SLC18B1: variants seen among roughly 807,000 people sequenced by gnomAD.
SLC18B1 encodes solute carrier family 18 member B1.
In SLC18B1, 62 loss-of-function variants were observed where a neutral mutation model predicts 53.9. The ratio of observed to expected loss-of-function variants is 1.15; its 90% confidence interval spans 0.94 to 1.42. SLC18B1 has a LOEUF of 1.42. Ranked by LOEUF, SLC18B1 falls within the 40% of genes most tolerant of loss-of-function variation. The probability of loss-of-function intolerance (pLI) is 0.00; values close to 1 mark genes in which losing one functional copy is unlikely to be tolerated. For synonymous variants in SLC18B1, 217 were observed against 200.9 expected, an observed-to-expected ratio of 1.08 and a Z score of -0.68; for missense variants, 598 against 547.3, an observed-to-expected ratio of 1.09 and a Z score of -0.93.
rs542751776 is a variant in SLC18B1 at position 132,779,047 on chromosome 6, C to A, written c.795+221G>T. ...GAGCAAGTTCTTGGAAAGAAGGAAA[C>A]CAATGTTAAGGCCACTTAGTGAAAG... On this transcript the variant is annotated intron_variant, in intron 7 of 13. Transcript: ENST00000275227. Among the ~76,000 whole-genome samples the A allele has an allele frequency of 2.0e-3, 308 of 152,286 alleles. 1 individual carries two copies. The highest frequency in any genetic ancestry group is 7.2e-3 in the African/African-American group (299 of 41,554).
intron 13 of SLC18B1, 108 bp from the exon 14 acceptor site, chr6:132,770,444 A>T: frequency 3.1e-6 from 3 of 981,818 alleles, no homozygotes; most frequent in Non-Finnish European, 4.7e-6. Flanking sequence ...TTTTTAAAAA[A>T]GTTTCTACTG....
Position 132,789,821 on chromosome 6 carries a change from G to T in SLC18B1, c.296C>A (p.Ala99Glu). 6.2e-7 allele frequency: 1 copy of T among 1,612,468 alleles called. No homozygotes were observed. Among genetic ancestry groups the T allele is most frequent in the Non-Finnish European group, 8.5e-7 (1 of 1,178,646 alleles). The change falls in exon 4 of 14, where the codon GCA becomes GAA. Residue 99 changes from alanine to glutamate, a missense_variant. Transcript: ENST00000275227. ...CATTCCTGCTACAAACATAAATTTT[G>T]CTCCAATATGTACAAGCTATAATAA... The part of the protein sequence containing the change: ...VFGNYLVHIG[A>E]KFMFVAGMFV...
chr6:132,772,272 T>A, intron 10 of SLC18B1, 66 bp from the exon 11 acceptor site: 1 of 953,268 alleles, frequency 1.0e-6, no homozygotes. Context: ...AAAAATTGTA[T>A]GATAGATCAA....
chr6:132,770,970 T>A (rs1271978077), intron 12 of SLC18B1, 31 bp from the exon 13 acceptor site: 1 of 1,611,778 alleles, frequency 6.2e-7, no homozygotes, highest in South Asian at 1.1e-5. Flanking sequence ...CTGATTAATG[T>A]AAATTTTCCA....
chr6:132,792,225 C>CAGAAAGAAAGAAAGAAAGAAAGAA (rs1554223211), intron 2 of SLC18B1, among the ~76,000 whole-genome samples: 7 of 44,576 alleles, frequency 1.6e-4, no homozygotes, highest in South Asian at 9.5e-4. Context: ...AAGACACTGT[C>CAGAAAGAAAGAAAGAAAGAAAGAA]AGAAAGAAAG....
chr6:132,770,365 T>G, intron 13 of SLC18B1, 29 bp from the exon 14 acceptor site: 1 of 1,535,796 alleles, frequency 6.5e-7, no homozygotes, highest in South Asian at 1.1e-5. Flanking sequence ...GAGATGAATC[T>G]CAATATTTCT....
chr6:132,791,363 A>C (rs1001416326), intron 2 of SLC18B1, among the ~76,000 whole-genome samples: 2 of 152,218 alleles, frequency 1.3e-5, no homozygotes, highest in East Asian at 3.8e-4. Flanking sequence ...TCCATTCTCT[A>C]TAACCATGAT....
At position 132,798,564 on chromosome 6, in the gene SLC18B1, G is replaced by C. The variant is rs558681579; in HGVS notation, c.-108C>G. ...CTGGCGGGCGGCCGCTGCTCAGCTG[G>C]AACCTGGCATCCCCGACTCCCTGCA... On this transcript the variant is annotated 5_prime_UTR_variant, in exon 1 of 14. Transcript: ENST00000275227. 6.8e-6 allele frequency: 8 copies of C among 1,171,644 alleles called. No homozygotes were observed. The highest frequency in any genetic ancestry group is 7.8e-6 in the Non-Finnish European group (7 of 892,250). The allele number at this position is 1,171,644 out of a possible 1,614,324, so 72.6% of individuals were successfully genotyped here.
chr6:132,796,446 A>T (rs1475669932), intron 2 of SLC18B1, among the ~76,000 whole-genome samples: 1 of 149,772 alleles, frequency 6.7e-6, no homozygotes, highest in Non-Finnish European at 1.5e-5. Flanking sequence ...GAATCAATTG[A>T]ACCCGGGAGG....
intron 6 of SLC18B1, among the ~76,000 whole-genome samples, chr6:132,782,067 A>G (rs1414567928): frequency 6.6e-6 from 1 of 151,054 alleles, no homozygotes; most frequent in African/African-American, 2.4e-5. Flanking sequence ...ATGCACCTGT[A>G]CTCCCAGCTA....
At chr6:132,779,215 C>T in intron 7 of SLC18B1, 53 bp downstream of exon 7, 1 of 1,595,160 alleles carries the variant, frequency 6.3e-7, no homozygotes, top group Non-Finnish European at 8.6e-7. Context: ...CAAGAACAAG[C>T]AGTTACATCC....
rs188047201 is a variant in SLC18B1 at position 132,770,259 on chromosome 6, G to T, written c.*11C>A. On this transcript the variant is annotated 3_prime_UTR_variant, in exon 14 of 14. Transcript: ENST00000275227. Reference sequence around the variant, plus strand: ...ATTTCTCAACCTTGTATCAATCCAGGATCCATCGGACTAGGTTTCATTAGG... The same window carrying T: ...ATTTCTCAACCTTGTATCAATCCAGTATCCATCGGACTAGGTTTCATTAGG... 2.7e-5 allele frequency: 44 copies of T among 1,607,136 alleles called. No individual in the cohort carries two copies. The highest frequency in any genetic ancestry group is 3.7e-5 in the Non-Finnish European group (44 of 1,173,832).
At chr6:132,777,007 G>A (rs539845718) in intron 7 of SLC18B1, among the ~76,000 whole-genome samples, 1 of 152,000 alleles carries the variant, frequency 6.6e-6, no homozygotes, top group Admixed American at 6.5e-5. Context: ...ATCACTTCAG[G>A]TCAGGAGTTT....
chr6:132,779,382 T>A lies in SLC18B1; in HGVS notation c.681A>T (p.Ser227=). 2 of 1,612,074 alleles carry A rather than the reference T, an allele frequency of 1.2e-6. No individual in the cohort carries two copies. The highest frequency in any genetic ancestry group is 2.2e-5 in the South Asian group (2 of 90,984). The change falls in exon 7 of 14, where the codon TCA becomes TCT. Residue 227 remains serine, a synonymous_variant. Transcript: ENST00000275227. The part of the protein sequence containing the change: ...PNYESDPGEH[S]FWKLIALPKV... The stretch of plus-strand genomic sequence containing the variant: ...TGGGTAAAGCGATCAGTTTCCAGAA[T>A]GAGTGTTCACCTGGATCAGACTCTT...
chr6:132,784,641 C>T (rs893557362), intron 5 of SLC18B1, among the ~76,000 whole-genome samples: 4 of 151,648 alleles, frequency 2.6e-5, no homozygotes, highest in African/African-American at 7.3e-5. Flanking sequence ...GAGTGAACAC[C>T]GGTAGGCAAT....
At chr6:132,783,891 T>C in intron 6 of SLC18B1, 42 bp downstream of exon 6, 1 of 1,401,474 alleles carries the variant, frequency 7.1e-7, no homozygotes, top group Non-Finnish European at 9.4e-7. Context: ...GGTATAAAAA[T>C]ATATTTAAGG....
chr6:132,784,126 T>C, intron 5 of SLC18B1, 37 bp from the exon 6 acceptor site: 1 of 1,501,166 alleles, frequency 6.7e-7, no homozygotes, highest in Non-Finnish European at 8.9e-7. Context: ...GTTTAAATAT[T>C]TCATTTGAAG....
intron 11 of SLC18B1, among the ~76,000 whole-genome samples, chr6:132,771,390 G>A (rs1486802860): frequency 6.6e-6 from 1 of 151,922 alleles, no homozygotes. Context: ...ATATGAAACA[G>A]ATTTAAAAAA....
intron 6 of SLC18B1, among the ~76,000 whole-genome samples, chr6:132,781,920 G>C (rs753246828): frequency 2.0e-5 from 3 of 151,946 alleles, no homozygotes; most frequent in Middle Eastern, 3.2e-3. Context: ...AGGTGCAGTG[G>C]CTCACACCTG....
Sources: gnomAD v4.1 joint callset for allele counts (sites outside exome capture counted in the v4.1 genomes callset) on GRCh38, gnomAD v4.1.1 for gene constraint, MANE v1.5 for transcripts, NCBI Gene and HGNC (gene_info 2026-07-23, HGNC 2026-07-21) for gene names.